INHBA: variants seen among roughly 807,000 people sequenced by gnomAD.
The protein encoded by INHBA is inhibin subunit beta A.
A neutral mutation model predicts 29.0 loss-of-function variants in INHBA; 1 was observed. The ratio of observed to expected loss-of-function variants is 0.03; its 90% confidence interval spans 0.01 to 0.16. The LOEUF (loss-of-function observed/expected upper bound fraction) is 0.16. INHBA is among the 10% of genes least tolerant of loss of function. The pLI is 1.00. For synonymous variants in INHBA, 242 were observed against 216.8 expected (o/e 1.12, Z -1.02); for missense variants, 376 against 545.4 (o/e 0.69, Z 3.09).
chr7:41,696,436 T>C (rs1794649900), intron 2 of INHBA, among the ~76,000 whole-genome samples: 1 of 152,224 alleles, frequency 6.6e-6, no homozygotes, highest in Non-Finnish European at 1.5e-5. Flanking sequence ...TCTCATTTAA[T>C]GTATTACAGG....
intron 2 of INHBA, among the ~76,000 whole-genome samples, chr7:41,694,292 T>A (rs545458235): frequency 3.3e-5 from 5 of 152,112 alleles, no homozygotes; most frequent in Admixed American, 3.3e-4. Context: ...AAATAACAGG[T>A]CAATTTATTA....
At chr7:41,692,743 T>C (rs1386714172) in intron 2 of INHBA, among the ~76,000 whole-genome samples, 2 of 152,226 alleles carry the variant, frequency 1.3e-5, no homozygotes, top group African/African-American at 4.8e-5. Flanking sequence ...AGCTGTCTTA[T>C]TTTAGGAAGC....
intron 2 of INHBA, among the ~76,000 whole-genome samples, chr7:41,694,553 C>T (rs954482084): frequency 2.6e-5 from 4 of 152,204 alleles, no homozygotes; most frequent in Non-Finnish European, 5.9e-5. Flanking sequence ...ACAGGTGCGA[C>T]CTAGGTTCCT....
chr7:41,695,509 C>A (rs1231093498), intron 2 of INHBA, among the ~76,000 whole-genome samples: 1 of 152,180 alleles, frequency 6.6e-6, no homozygotes, highest in Non-Finnish European at 1.5e-5. Flanking sequence ...GTTATTCCTC[C>A]TTTGACCTAC....
chr7:41,695,597 C>T (rs1794629377), intron 2 of INHBA, among the ~76,000 whole-genome samples: 1 of 152,176 alleles, frequency 6.6e-6, no homozygotes, highest in Non-Finnish European at 1.5e-5. Flanking sequence ...TTTAATTTCC[C>T]TCCTTAGGGT....
chr7:41,691,657 T>G (rs772058431), intron 2 of INHBA: 4 of 152,192 alleles, frequency 2.6e-5, no homozygotes, highest in African/African-American at 7.2e-5. Flanking sequence ...TAATAATGTT[T>G]CAATTTTCAG....
At chr7:41,701,935 T>C (rs1031542516) in intron 1 of INHBA, among the ~76,000 whole-genome samples, 2 of 152,256 alleles carry the variant, frequency 1.3e-5, no homozygotes, top group South Asian at 4.1e-4. Flanking sequence ...AAAAGAAAAA[T>C]GTGAATTTTT....
intron 1 of INHBA, among the ~76,000 whole-genome samples, chr7:41,700,860 AG>A (rs1206732980): frequency 9.0e-5 from 13 of 144,772 alleles, no homozygotes; most frequent in African/African-American, 3.4e-4. Flanking sequence ...AGAGAGAGAG[AG>A]AGAGAGAGAG....
chr7:41,695,158 G>A (rs775182480), intron 2 of INHBA, among the ~76,000 whole-genome samples: 3 of 152,126 alleles, frequency 2.0e-5, no homozygotes, highest in Non-Finnish European at 4.4e-5. Flanking sequence ...GCAGTGTTTC[G>A]ATTTGGTTTT....
intron 2 of INHBA, among the ~76,000 whole-genome samples, chr7:41,699,166 A>G (rs570296716): frequency 3.3e-4 from 51 of 152,242 alleles, no homozygotes; most frequent in Non-Finnish European, 5.6e-4. Context: ...TCTATTTATT[A>G]AAGTTCTTCC....
rs748897120 is a variant in INHBA, at chr7:41,690,477, G to A, written c.454C>T (p.Arg152Cys). The A allele has an allele frequency of 5.0e-6, 8 of 1,613,754 alleles. No individual in the cohort carries two copies. The highest frequency in any genetic ancestry group is 6.8e-6 in the Non-Finnish European group (8 of 1,179,992). Reference protein sequence around the residue: ...KEGSDLSVVERAEVWLFLKVP... With the variant: ...KEGSDLSVVECAEVWLFLKVP... Reference sequence around the variant, plus strand: ...TTTAGGAAGAGCCAGACTTCTGCACGCTCCACCACTGACAGGTCACTGCCT... The same window carrying A: ...TTTAGGAAGAGCCAGACTTCTGCACACTCCACCACTGACAGGTCACTGCCT... The change falls in exon 3 of 3, where the codon CGT becomes TGT. Residue 152 changes from arginine to cysteine, a missense_variant. Physicochemically the swap from Arg to Cys is radical, Grantham distance 180 (BLOSUM62 -3). Coordinates refer to ENST00000242208, the MANE Select transcript of INHBA (RefSeq NM_002192.4).
At chr7:41,696,544 A>T (rs1397958156) in intron 2 of INHBA, among the ~76,000 whole-genome samples, 1 of 152,202 alleles carries the variant, frequency 6.6e-6, no homozygotes, top group African/African-American at 2.4e-5. Flanking sequence ...GGCGCTACAG[A>T]CAGGGGCTTC....
In INHBA at chr7:41,685,370, A is replaced by G. The variant is rs922066444; in HGVS notation, c.*4280T>C. 2 of 152,148 alleles carry G rather than the reference A, an allele frequency of 1.3e-5. No homozygotes were observed. Among genetic ancestry groups the G allele is most frequent in the Non-Finnish European group, 2.9e-5 (2 of 67,986 alleles). The allele number at this position is 152,148 out of a possible 1,614,324, so 9.4% of individuals were successfully genotyped here. ...ATAAATATTAAGAAACCATTGACAT[A>G]GTTGAAATGCACTCATATAAATTAA... On this transcript the variant is annotated 3_prime_UTR_variant, in exon 3 of 3. Coordinates refer to ENST00000242208, the MANE Select transcript of INHBA (RefSeq NM_002192.4).
At chr7:41,697,785 T>C (rs1794681399) in intron 2 of INHBA, among the ~76,000 whole-genome samples, 1 of 152,240 alleles carries the variant, frequency 6.6e-6, no homozygotes, top group South Asian at 2.1e-4. Context: ...ATCATTTGGA[T>C]GATAAATGTC....
chr7:41,701,263 C>T (rs1440447492), intron 1 of INHBA, among the ~76,000 whole-genome samples: 1 of 152,106 alleles, frequency 6.6e-6, no homozygotes. Flanking sequence ...AGAACGCCCA[C>T]CTGGCCACGT....
At chr7:41,698,029 A>G (rs1037136903) in intron 2 of INHBA, among the ~76,000 whole-genome samples, 1 of 152,230 alleles carries the variant, frequency 6.6e-6, no homozygotes, top group Non-Finnish European at 1.5e-5. Flanking sequence ...ACTTGACTCA[A>G]TGTGAACGTC....
chr7:41,690,421 T>C lies in INHBA; in HGVS notation c.510A>G (p.Lys170=), dbSNP rs916488469. The C allele has an allele frequency of 1.9e-6, 3 of 1,614,090 alleles. No homozygotes were observed. The highest frequency in any genetic ancestry group is 2.7e-5 in the African/African-American group (2 of 75,038). The change falls in exon 3 of 3, where the codon AAA becomes AAG. Residue 170 remains lysine (K), a synonymous_variant. Coordinates refer to ENST00000242208, the MANE Select transcript of INHBA (RefSeq NM_002192.4). The part of the protein sequence containing the change: ...KVPKANRTRT[K]VTIRLFQQQK... ...GCTGCTGGAAGAGGCGGATGGTGAC[T>C]TTGGTCCTGGTCCTGTTGGCCTTGG...
In INHBA at chr7:41,685,915, T is replaced by A. The variant is rs550120578; in HGVS notation, c.*3735A>T. 4.3e-4 allele frequency: 66 copies of A among 152,252 alleles called. 1 individual carries two copies. Among genetic ancestry groups the A allele is most frequent in the African/African-American group, 1.4e-3 (60 of 41,566 alleles). The allele number at this position is 152,252 out of a possible 1,614,324, so 9.4% of individuals were successfully genotyped here. On this transcript the variant is annotated 3_prime_UTR_variant, in exon 3 of 3. Transcript: ENST00000242208. Reference sequence around the variant, plus strand: ...TGTGGGTTTTCAGGGTGACTAAGTTTTTCCCTACATTGAAAAGAGAAGTTG... The same window carrying A: ...TGTGGGTTTTCAGGGTGACTAAGTTATTCCCTACATTGAAAAGAGAAGTTG...
In INHBA at chr7:41,700,468, T is replaced by A. The variant is rs1041432328; in HGVS notation, c.-94A>T. 8.2e-6 allele frequency: 10 copies of A among 1,218,600 alleles called. No individual in the cohort carries two copies. The highest frequency in any genetic ancestry group is 1.6e-5 in the African/African-American group (1 of 62,736). The allele number at this position is 1,218,600 out of a possible 1,614,324, so 75.5% of individuals were successfully genotyped here. A position where few individuals can be genotyped will look rare whatever the true frequency, so the allele number is the denominator to read the frequency against. On this transcript the variant is annotated 5_prime_UTR_variant, in exon 2 of 3. Coordinates refer to ENST00000242208, the MANE Select transcript of INHBA (RefSeq NM_002192.4). Reference sequence around the variant, plus strand: ...GTTTTTTTGTGTGTGTGGATTTTTTTATTTTTTTTTTTGGTGTTTTTTTTT... The same window carrying A: ...GTTTTTTTGTGTGTGTGGATTTTTTAATTTTTTTTTTTGGTGTTTTTTTTT...
Sources: allele counts gnomAD v4.1 joint callset (sites outside exome capture counted in the v4.1 genomes callset), GRCh38; gene constraint gnomAD v4.1.1; transcripts MANE v1.5; gene names NCBI Gene and HGNC (gene_info 2026-07-23, HGNC 2026-07-21).